CAPN14: variants seen among roughly 807,000 people sequenced by gnomAD.
CAPN14 encodes the protein calpain 14.
Under a neutral mutation model 101.3 loss-of-function variants are expected in CAPN14, and 94 were observed. The observed-to-expected ratio is 0.93, with a 90% CI of 0.79 to 1.10. CAPN14 has a LOEUF of 1.10. Among genes scored for constraint, CAPN14 ranks in the 50% least tolerant of loss-of-function variants. The pLI is 0.00. For missense variants in CAPN14, 837 were observed against 828.4 expected, an observed-to-expected ratio of 1.01 and a Z score of -0.13; for synonymous variants, 338 against 317.9, an observed-to-expected ratio of 1.06 and a Z score of -0.67.
chr2:31,232,621 T>C (rs1179421678), intron 1 of CAPN14, among the ~76,000 whole-genome samples: 2 of 152,116 alleles, frequency 1.3e-5, no homozygotes, highest in East Asian at 3.9e-4. Context: ...AGGAACCAAG[T>C]GGGAAGAGCC....
At position 31,192,257 on chromosome 2, in the gene CAPN14, G is replaced by A. The variant is rs534866875; in HGVS notation, c.1115-159C>T. 5.6e-4 allele frequency among the ~76,000 whole-genome samples: 85 copies of A among 152,158 alleles called. 1 individual carries two copies. The highest frequency in any genetic ancestry group is 4.6e-3 in the Admixed American group (70 of 15,282). On this transcript the variant is annotated intron_variant, in intron 10 of 21. Transcript: ENST00000403897. ...GGGGTCCCTTCAACCTTGGATTTAC[G>A]CCCTCCCACCTTGCTCTTCCACCTG...
rs758920121 is a variant in CAPN14, at chr2:31,201,912, GGA to G, written c.499_500del (p.Ser167HisfsTer3). 3.1e-5 allele frequency: 48 copies of G among 1,551,740 alleles called. 2 individuals are homozygous for G. The highest frequency in any genetic ancestry group is 2.9e-4 in the South Asian group (24 of 84,058). ...NEAGQLVFVSSTYKNLFWGAL... is the reference protein window; with the variant it reads ...NEAGQLVFVSXTYKNLFWGAL... ...CTCCCCAGAACAAGTTCTTATAGGTGGAGGAGACAAAGACCAGCTGGCCAGCC... is the reference window on the plus strand; with the variant it reads ...CTCCCCAGAACAAGTTCTTATAGGTGGGAGACAAAGACCAGCTGGCCAGCC... On this transcript the variant is annotated frameshift_variant, in exon 5 of 22. Coordinates refer to ENST00000403897, the MANE Select transcript of CAPN14 (RefSeq NM_001145122.2). LOFTEE classifies it high-confidence loss of function.
chr2:31,221,653 AG>A (rs1277359941), upstream of CAPN14, among the ~76,000 whole-genome samples: 1 of 152,172 alleles, frequency 6.6e-6, no homozygotes, highest in African/African-American at 2.4e-5. Context: ...TGCTCATGAC[AG>A]GGAACACTGA....
rs141395036 is a variant in CAPN14, at chr2:31,195,255, C to A, written c.876-772G>T. Among the ~76,000 whole-genome samples the A allele has an allele frequency of 4.2e-3, 645 of 152,342 alleles. 2 individuals are homozygous for A. The highest frequency in any genetic ancestry group is 0.022 in the South Asian group (104 of 4,824). On this transcript the variant is annotated intron_variant, in intron 8 of 21. Transcript: ENST00000403897. Reference sequence around the variant, plus strand: ...TAATCTGTGCTTTCTGAAAGCGAAACTCCCTAAGACTGGACCGTAAGCAGG... The same window carrying A: ...TAATCTGTGCTTTCTGAAAGCGAAAATCCCTAAGACTGGACCGTAAGCAGG...
At chr2:31,220,562 C>T (rs866150166), upstream of CAPN14, among the ~76,000 whole-genome samples, 2 of 152,294 alleles carry the variant, frequency 1.3e-5, no homozygotes, top group South Asian at 4.2e-4. Context: ...TGGTGGCTCA[C>T]GCCTGTAATC....
At chr2:31,195,307 C>T (rs1013769954) in intron 8 of CAPN14, among the ~76,000 whole-genome samples, 10 of 152,214 alleles carry the variant, frequency 6.6e-5, no homozygotes, top group African/African-American at 2.4e-4. Context: ...CTCAGGCATT[C>T]CTACCGGACA....
chr2:31,195,304 A>T (rs1034223606), intron 8 of CAPN14, among the ~76,000 whole-genome samples: 7 of 152,218 alleles, frequency 4.6e-5, no homozygotes, highest in African/African-American at 7.2e-5. Flanking sequence ...AATCTCAGGC[A>T]TTCCTACCGG....
chr2:31,192,088 C>T lies in CAPN14; in HGVS notation c.1125G>A (p.Trp375Ter). ...GQRQLLQDTF[W>*]KNPQFLLSVW... Reference sequence around the variant, plus strand: ...CAGACAGCAGGAACTGCGGGTTCTTCCAAAATGTGTCTGGAGCAGAACACA... The same window carrying T: ...CAGACAGCAGGAACTGCGGGTTCTTTCAAAATGTGTCTGGAGCAGAACACA... Residue 375 changes from tryptophan to a stop codon, truncating the protein, a stop_gained, in exon 11 of 22, where the codon TGG becomes TGA. Transcript: ENST00000403897. LOFTEE classifies it high-confidence loss of function. 3 of 1,548,312 alleles carry T rather than the reference C, an allele frequency of 1.9e-6. No individual in the cohort carries two copies. Among genetic ancestry groups the T allele is most frequent in the Non-Finnish European group, 2.6e-6 (3 of 1,145,508 alleles).
intron 16 of CAPN14, among the ~76,000 whole-genome samples, chr2:31,184,172 C>G (rs537897394): frequency 1.3e-5 from 2 of 152,166 alleles, no homozygotes; most frequent in Admixed American, 6.6e-5. Context: ...AGTGAGCCAC[C>G]GCGCCCGGCC....
chr2:31,210,224 A>C (rs954706277), intron 1 of CAPN14, among the ~76,000 whole-genome samples: 2 of 152,158 alleles, frequency 1.3e-5, no homozygotes, highest in African/African-American at 4.8e-5. Context: ...AGGGCGGATC[A>C]CGAGGTCAAG....
chr2:31,177,101 G>C lies in CAPN14; in HGVS notation c.1897C>G (p.Arg633Gly). 1 of 1,551,254 alleles carries C rather than the reference G, an allele frequency of 6.4e-7. No individual in the cohort carries two copies. Among genetic ancestry groups the C allele is most frequent in the Non-Finnish European group, 8.7e-7 (1 of 1,146,720 alleles). The change falls in exon 20 of 22, where the codon CGC (arginine) becomes GGC (glycine). Residue 633 changes from arginine to glycine, a missense_variant. By Grantham distance (125) the Arg-to-Gly change is moderately radical. Coordinates refer to ENST00000403897, the MANE Select transcript of CAPN14 (RefSeq NM_001145122.2). ...ATCTGGAGGCGGGGGCCGCCGTAGC[G>C]GATGAGCATCAGCTGACAGACGTCA... ...SDDVCQLMLI[R>G]YGGPRLQMDF...
At chr2:31,223,810 G>A (rs72786929) in intron 2 of CAPN14, among the ~76,000 whole-genome samples, 3,335 of 152,222 alleles carry the variant, frequency 0.022, 38 homozygotes, top group South Asian at 0.043. Context: ...TTACAGGCAT[G>A]AGCCACCAAG....
chr2:31,180,308 T>A (rs893693181), intron 17 of CAPN14, among the ~76,000 whole-genome samples: 8 of 152,164 alleles, frequency 5.3e-5, no homozygotes, highest in African/African-American at 1.9e-4. Flanking sequence ...TGTCTCTGAG[T>A]TTCTGCAGAC....
At position 31,185,595 on chromosome 2, in the gene CAPN14, G is replaced by A. The variant is rs34464465; in HGVS notation, c.1645+833C>T. On this transcript the variant is annotated intron_variant, in intron 16 of 21. Coordinates refer to ENST00000403897, the MANE Select transcript of CAPN14 (RefSeq NM_001145122.2). ...ATTAGCCTAGAATTCTTTTTCAGCCGGGAAGGGGAGTCTTACGTTCTACAA... is the reference window on the plus strand; with the variant it reads ...ATTAGCCTAGAATTCTTTTTCAGCCAGGAAGGGGAGTCTTACGTTCTACAA... Among the ~76,000 whole-genome samples the A allele has an allele frequency of 9.3e-3, 1,415 of 152,210 alleles. 9 individuals carry two copies. Among genetic ancestry groups the A allele is most frequent in the South Asian group, 0.021 (101 of 4,808 alleles).
intron 1 of CAPN14, among the ~76,000 whole-genome samples, chr2:31,207,362 C>A (rs538765228): frequency 6.6e-6 from 1 of 152,312 alleles, no homozygotes; most frequent in East Asian, 1.9e-4. Flanking sequence ...CTCAAATTAT[C>A]ACTAGTGAAG....
chr2:31,188,209 G>A lies in CAPN14; in HGVS notation c.1530+109C>T. The stretch of plus-strand genomic sequence containing the variant: ...TAATGTTTGCCATAGAACAGGGTCT[G>A]TAAGGATCCGCATATCTCCTCCCCT... On this transcript the variant is annotated intron_variant, in intron 14 of 21. Coordinates refer to ENST00000403897, the MANE Select transcript of CAPN14 (RefSeq NM_001145122.2). The A allele has an allele frequency of 3.1e-6, 3 of 956,864 alleles. No individual in the cohort carries two copies. The South Asian group carries it at 4.2e-5, about 13-fold the overall frequency. 59.3% of individuals were successfully genotyped at this position (956,864 alleles called of 1,614,324 possible).
chr2:31,215,975 T>G (rs1287159009), intron 1 of CAPN14, among the ~76,000 whole-genome samples: 1 of 151,930 alleles, frequency 6.6e-6, no homozygotes, highest in South Asian at 2.1e-4. Flanking sequence ...CCAAAAGACA[T>G]GTACAAGAAT....
At position 31,205,227 on chromosome 2, in the gene CAPN14, G is replaced by T. The variant is rs751273958; in HGVS notation, c.221C>A (p.Pro74His). 2.6e-6 allele frequency: 4 copies of T among 1,549,430 alleles called. No individual in the cohort carries two copies. The South Asian group carries it at 3.6e-5, about 14-fold the overall frequency. Reference protein sequence around the residue: ...KLPPRLQWKRPPELHSNPQFY... With the variant: ...KLPPRLQWKRHPELHSNPQFY... The stretch of plus-strand genomic sequence containing the variant: ...GGCTGACACATTTTGCCTCACCGGG[G>T]GCCTCTTCCACTGCAGGCGGGGTGG... Residue 74 changes from proline (P) to histidine (H), a missense_variant, in exon 2 of 22, where the codon CCC (proline) becomes CAC (histidine). Transcript: ENST00000403897.
chr2:31,227,420 T>G (rs899769386), intron 1 of CAPN14, among the ~76,000 whole-genome samples: 1 of 152,348 alleles, frequency 6.6e-6, no homozygotes, highest in East Asian at 1.9e-4. Context: ...ATCTCCTTTT[T>G]GGCTTATAAA....
Sources: gnomAD v4.1 joint callset for allele counts (sites outside exome capture counted in the v4.1 genomes callset) on GRCh38, gnomAD v4.1.1 for gene constraint, MANE v1.5 for transcripts, NCBI Gene and HGNC (gene_info 2026-07-23, HGNC 2026-07-21) for gene names.